IFT74: variants seen among roughly 807,000 people sequenced by gnomAD.
The protein encoded by IFT74 is intraflagellar transport protein 74 homolog.
IFT74 carries 92 observed loss-of-function variants against 96.7 expected under a neutral mutation model. That is an observed-to-expected ratio of 0.95 (90% CI 0.80 to 1.13). The LOEUF is 1.13. IFT74 is among the 50% of genes most tolerant of loss of function. The pLI, the probability that IFT74 is intolerant of heterozygous loss-of-function variation, is 0.00. For missense variants in IFT74, 811 were observed against 698.2 expected (o/e 1.16, Z -1.82); for synonymous variants, 223 against 213.2 (o/e 1.05, Z -0.40).
intron 2 of IFT74, among the ~76,000 whole-genome samples, chr9:26,966,596 T>C (rs139258099): frequency 7.2e-4 from 110 of 152,220 alleles, no homozygotes; most frequent in African/African-American, 2.5e-3. Flanking sequence ...AGATGAATAG[T>C]TTTCATATAT....
At chr9:27,004,842 T>C (rs1828687599) in intron 8 of IFT74, among the ~76,000 whole-genome samples, 1 of 152,098 alleles carries the variant, frequency 6.6e-6, no homozygotes, top group Non-Finnish European at 1.5e-5. Context: ...TAGCATATGA[T>C]CTACGTTACT....
At chr9:27,027,025 C>T (rs1030995058) in intron 12 of IFT74, among the ~76,000 whole-genome samples, 3 of 151,886 alleles carry the variant, frequency 2.0e-5, no homozygotes, top group Admixed American at 2.0e-4. Context: ...ATAAATGAAG[C>T]AAAAAGCTGG....
intron 8 of IFT74, among the ~76,000 whole-genome samples, chr9:26,999,168 A>T (rs1437792746): frequency 6.6e-6 from 1 of 152,202 alleles, no homozygotes; most frequent in Admixed American, 6.5e-5. Flanking sequence ...CTTTATGTGG[A>T]TATAGATGGA....
At chr9:26,992,405 A>G (rs889477725) in intron 8 of IFT74, among the ~76,000 whole-genome samples, 13 of 152,138 alleles carry the variant, frequency 8.5e-5, no homozygotes, top group African/African-American at 2.9e-4. Context: ...ATTAAGAACA[A>G]CAATTGGCCA....
At chr9:26,948,865 A>AC (rs1825848620) in intron 1 of IFT74, among the ~76,000 whole-genome samples, 1 of 151,944 alleles carries the variant, frequency 6.6e-6, no homozygotes, top group Non-Finnish European at 1.5e-5. Flanking sequence ...CTTACTCTAG[A>AC]CATTTCGAAT....
At chr9:27,025,330 C>A (rs970750686) in intron 12 of IFT74, among the ~76,000 whole-genome samples, 2 of 149,740 alleles carry the variant, frequency 1.3e-5, no homozygotes, top group African/African-American at 2.5e-5. Flanking sequence ...GTAGTCCCAG[C>A]AACTTGGGAG....
intron 12 of IFT74, among the ~76,000 whole-genome samples, chr9:27,022,852 A>G (rs1038012202): frequency 3.3e-5 from 5 of 152,100 alleles, no homozygotes; most frequent in African/African-American, 1.2e-4. Flanking sequence ...TGTGTTAGCC[A>G]GGATGGTCTT....
chr9:27,054,736 G>T (rs376795544), intron 16 of IFT74, among the ~76,000 whole-genome samples: 16 of 152,274 alleles, frequency 1.1e-4, no homozygotes, highest in Non-Finnish European at 1.5e-4. Context: ...GCCAACAGAA[G>T]TTGAAAAAGG....
chr9:27,061,142 G>A (rs71510410), intron 19 of IFT74, among the ~76,000 whole-genome samples: 2 of 100,136 alleles, frequency 2.0e-5, no homozygotes, highest in African/African-American at 4.3e-5. Flanking sequence ...CAGTAGTTAA[G>A]AGGTGTGTGT....
intron 13 of IFT74, among the ~76,000 whole-genome samples, chr9:27,033,963 G>C (rs975937898): frequency 6.6e-5 from 10 of 152,024 alleles, no homozygotes; most frequent in Admixed American, 2.0e-4. Context: ...TGACAGTTCC[G>C]AAGTTTTGAC....
At chr9:26,969,135 T>TA (rs1563939802) in intron 2 of IFT74, among the ~76,000 whole-genome samples, 1 of 152,156 alleles carries the variant, frequency 6.6e-6, no homozygotes, top group African/African-American at 2.4e-5. Context: ...TCAAGAGTTT[T>TA]AAAAAATTTC....
At position 26,964,571 on chromosome 9, in the gene IFT74, T is replaced by A. The variant is rs549872469; in HGVS notation, c.120+2484T>A. Among the ~76,000 whole-genome samples the A allele has an allele frequency of 3.3e-5, 5 of 152,156 alleles. No homozygotes were observed. In the South Asian group the frequency reaches 1.0e-3, roughly 32 times the overall value. The stretch of plus-strand genomic sequence containing the variant: ...ACCTTGGGCAGTATGGCCATTTTCA[T>A]GATATTGATTCTTCCTACCCGTGAG... On this transcript the variant is annotated intron_variant, in intron 2 of 19. Coordinates refer to ENST00000380062, the MANE Select transcript of IFT74 (RefSeq NM_025103.4).
At position 27,064,851 on chromosome 9, in the gene IFT74, T is replaced by C. The variant is rs1803242779; in HGVS notation, c.*2115T>C. Reference sequence around the variant, plus strand: ...TTAGTAATAAGGGTTTTTTTCTGAGTGGTGGGATTATGGGTGATTGTAATC... The same window carrying C: ...TTAGTAATAAGGGTTTTTTTCTGAGCGGTGGGATTATGGGTGATTGTAATC... On this transcript the variant is annotated 3_prime_UTR_variant, in exon 20 of 20. Transcript: ENST00000380062. 6.6e-6 allele frequency among the ~76,000 whole-genome samples: 1 copy of C among 152,008 alleles called. No individual in the cohort carries two copies. Among genetic ancestry groups the C allele is most frequent in the African/African-American group, 2.4e-5 (1 of 41,410 alleles).
chr9:27,035,099 A>C (rs1050444819), intron 13 of IFT74, among the ~76,000 whole-genome samples: 16 of 152,356 alleles, frequency 1.1e-4, no homozygotes, highest in Non-Finnish European at 1.6e-4. Context: ...TATAAACACA[A>C]AACACATTCA....
chr9:27,013,953 C>A (rs1444889107), intron 10 of IFT74, among the ~76,000 whole-genome samples: 2 of 152,198 alleles, frequency 1.3e-5, no homozygotes, highest in African/African-American at 2.4e-5. Context: ...TGGTGGCTCA[C>A]GCCTGTAATC....
rs764366835 is a variant in IFT74 at position 27,055,616 on chromosome 9, A to C, written c.1341A>C (p.Gln447His). 1.3e-5 allele frequency: 20 copies of C among 1,574,200 alleles called. No individual in the cohort carries two copies. Among genetic ancestry groups the C allele is most frequent in the Non-Finnish European group, 1.7e-5 (20 of 1,166,098 alleles). Residue 447 changes from glutamine (Q) to histidine (H), a missense_variant, in exon 17 of 20, where the codon CAA becomes CAC. By Grantham distance (24) the Gln-to-His change is conservative. Transcript: ENST00000380062. ...STAQNLTSDIQRLQLDLQKME... is the reference protein window; with the variant it reads ...STAQNLTSDIHRLQLDLQKME... ...TAAATTCTTATGTTTCAGACATTCA[A>C]CGTCTGCAGTTGGATCTGCAGAAAA...
intron 16 of IFT74, among the ~76,000 whole-genome samples, chr9:27,053,019 TC>T (rs1211965480): frequency 6.6e-6 from 1 of 151,514 alleles, no homozygotes; most frequent in Admixed American, 6.6e-5. Context: ...ACCCACCACC[TC>T]GCCCGGCTAA....
intron 8 of IFT74, chr9:26,997,659 T>C: frequency 6.8e-7 from 1 of 1,476,996 alleles, no homozygotes. Context: ...AAACGTGATA[T>C]GAGAGATTTT....
intron 6 of IFT74, 75 bp from the exon 7 acceptor site, chr9:26,988,594 C>T: frequency 1.6e-6 from 2 of 1,274,200 alleles, no homozygotes; most frequent in African/African-American, 1.5e-5. Context: ...GACTGAATAC[C>T]TATATTATTA....
Sources: allele counts gnomAD v4.1 joint callset (sites outside exome capture counted in the v4.1 genomes callset), GRCh38; gene constraint gnomAD v4.1.1; transcripts MANE v1.5; gene names NCBI Gene and HGNC (gene_info 2026-07-23, HGNC 2026-07-21).